CELF2: variants seen among roughly 807,000 people sequenced by gnomAD.
CELF2 encodes the protein CUGBP Elav-like family member 2.
Under a neutral mutation model 62.6 loss-of-function variants are expected in CELF2, and 8 were observed. The observed-to-expected ratio is 0.13, with a 90% CI of 0.07 to 0.23. CELF2 has a LOEUF of 0.23. CELF2 is among the 10% of genes least tolerant of loss of function. The pLI, the probability that CELF2 is intolerant of heterozygous loss-of-function variation, is 1.00. For missense variants in CELF2, 333 were observed against 671.0 expected, an observed-to-expected ratio of 0.50 and a Z score of 5.56; for synonymous variants, 258 against 250.0, an observed-to-expected ratio of 1.03 and a Z score of -0.30.
chr10:11,184,518 T>A (rs2074315226), intron 2 of CELF2, among the ~76,000 whole-genome samples: 1 of 152,236 alleles, frequency 6.6e-6, no homozygotes, highest in South Asian at 2.1e-4. Flanking sequence ...ATATTGAGTC[T>A]TCAAAACCAT....
the CELF2 span, among the ~76,000 whole-genome samples, chr10:10,593,038 G>C: frequency 6.6e-6 from 1 of 152,168 alleles, no homozygotes; most frequent in Non-Finnish European, 1.5e-5. Flanking sequence ...CTGAGAGAAA[G>C]GGCATTCCCA....
In CELF2 at chr10:11,332,039, G is replaced by GA. The variant is rs550674545; in HGVS notation, c.*2992dup. On this transcript the variant is annotated 3_prime_UTR_variant, in exon 13 of 13. Coordinates refer to ENST00000633077, the MANE Select transcript of CELF2 (RefSeq NM_001326342.2). ...CAATTCCACGAGGCCAATCTAAAGG[G>GA]AAAAAATCCTACACTACTTTTACTA... 1.1e-4 allele frequency: 16 copies of GA among 152,202 alleles called. No homozygotes were observed. Among genetic ancestry groups the GA allele is most frequent in the South Asian group, 1.0e-3 (5 of 4,822 alleles). The allele number at this position is 152,202 out of a possible 1,614,324, so 9.4% of individuals were successfully genotyped here.
intron 1 of CELF2, among the ~76,000 whole-genome samples, chr10:10,899,094 A>G (rs916443382): frequency 5.3e-5 from 8 of 152,318 alleles, no homozygotes; most frequent in Middle Eastern, 3.4e-3. Flanking sequence ...ATTGTGGGGG[A>G]TCTTTTAGCT....
At chr10:11,264,377 C>G (rs1388534392) in intron 5 of CELF2, among the ~76,000 whole-genome samples, 2 of 152,068 alleles carry the variant, frequency 1.3e-5, no homozygotes, top group Non-Finnish European at 2.9e-5. Context: ...GCATTTTTAC[C>G]CTCCATTTGG....
At chr10:11,143,441 C>A (rs568436879) in intron 1 of CELF2, among the ~76,000 whole-genome samples, 58 of 152,242 alleles carry the variant, frequency 3.8e-4, no homozygotes, top group Non-Finnish European at 7.2e-4. Flanking sequence ...TGCTTCCTCT[C>A]ACTTCAAGTT....
intron 1 of CELF2, among the ~76,000 whole-genome samples, chr10:11,065,137 C>T (rs903772404): frequency 2.0e-5 from 3 of 152,196 alleles, no homozygotes; most frequent in African/African-American, 4.8e-5. Context: ...TTAAGGAGCT[C>T]ACCTTCTGTT....
intron 9 of CELF2, among the ~76,000 whole-genome samples, chr10:11,293,796 TG>T (rs2092824797): frequency 1.3e-5 from 2 of 151,548 alleles, no homozygotes; most frequent in East Asian, 1.9e-4. Flanking sequence ...AAGTGTTGTT[TG>T]TTTTTTTTTA....
rs2057541939 is a variant in CELF2 at position 11,017,993 on chromosome 10, C to T, written c.-97C>T. ...CCGGCTCGGCGGCCGCCGGGGGAGG[C>T]CGCGCGCACCTGTCCCTGCCCGTCT... On this transcript the variant is annotated 5_prime_UTR_variant, in exon 1 of 13. Coordinates refer to ENST00000633077, the MANE Select transcript of CELF2 (RefSeq NM_001326342.2). This position sits in a 1 kb window ranked among gnomAD's most constrained non-coding sequence, Gnocchi z 5.5. 1 of 997,686 alleles carries T rather than the reference C, an allele frequency of 1.0e-6. No individual in the cohort carries two copies. The highest frequency in any genetic ancestry group is 1.2e-6 in the Non-Finnish European group (1 of 838,918). 61.8% of individuals were successfully genotyped at this position (997,686 alleles called of 1,614,324 possible).
chr10:10,970,226 G>A (rs1007926209), intron 2 of CELF2, among the ~76,000 whole-genome samples: 9 of 152,066 alleles, frequency 5.9e-5, no homozygotes, highest in African/African-American at 2.2e-4. Context: ...GCACCACCAT[G>A]CCTGGCTAGT....
the CELF2 span, among the ~76,000 whole-genome samples, chr10:10,462,996 T>G: frequency 6.6e-6 from 1 of 152,154 alleles, no homozygotes; most frequent in Non-Finnish European, 1.5e-5. Flanking sequence ...ATAACGAGTC[T>G]GCTGTTTACT....
intron 1 of CELF2, among the ~76,000 whole-genome samples, chr10:11,033,538 T>C (rs540538064): frequency 6.6e-6 from 1 of 152,362 alleles, no homozygotes; most frequent in Non-Finnish European, 1.5e-5. Flanking sequence ...ATTACAGGCG[T>C]AAGCCACCAT....
chr10:10,664,257 A>G, the CELF2 span, among the ~76,000 whole-genome samples: 1 of 152,242 alleles, frequency 6.6e-6, no homozygotes, highest in African/African-American at 2.4e-5. Context: ...ATGATGCAAG[A>G]AGAGAAATCA....
chr10:10,487,599 T>C, the CELF2 span, among the ~76,000 whole-genome samples: 1 of 152,190 alleles, frequency 6.6e-6, no homozygotes, highest in Non-Finnish European at 1.5e-5. Context: ...AAAAATGCTT[T>C]GACTCTTTCT....
At chr10:11,095,768 T>A (rs1335715355) in intron 1 of CELF2, among the ~76,000 whole-genome samples, 1 of 152,190 alleles carries the variant, frequency 6.6e-6, no homozygotes, top group Non-Finnish European at 1.5e-5. Context: ...TTCATCATCA[T>A]GACAGGAGAC....
At chr10:10,639,457 A>G in the CELF2 span, among the ~76,000 whole-genome samples, 20 of 152,214 alleles carry the variant, frequency 1.3e-4, no homozygotes, top group Admixed American at 3.9e-4. Flanking sequence ...AGTAAATTTT[A>G]TAAACGTTGG....
upstream of CELF2, among the ~76,000 whole-genome samples, chr10:11,015,373 A>T (rs552673330): frequency 3.2e-3 from 491 of 152,284 alleles, 1 homozygote; most frequent in African/African-American, 0.011. The surrounding 1 kb of genome is among the most constrained non-coding windows in gnomAD (Gnocchi z 4.8). Flanking sequence ...CGATATTAGA[A>T]ATGAAAGCTA....
the CELF2 span, among the ~76,000 whole-genome samples, chr10:10,585,328 G>T: frequency 1.3e-5 from 2 of 152,114 alleles, no homozygotes; most frequent in South Asian, 4.1e-4. Context: ...TCCAGGACTG[G>T]CCCACAGCCA....
chr10:11,109,163 T>C (rs138020560), intron 1 of CELF2, among the ~76,000 whole-genome samples: 4 of 152,382 alleles, frequency 2.6e-5, no homozygotes, highest in African/African-American at 4.8e-5. Flanking sequence ...TTTGTGTTTC[T>C]GTTGCTCCTG....
At chr10:10,601,704 G>A in the CELF2 span, among the ~76,000 whole-genome samples, 1 of 151,352 alleles carries the variant, frequency 6.6e-6, no homozygotes, top group South Asian at 2.1e-4. Context: ...TTGCAGTTTA[G>A]CATGAGCATT....
Sources: gnomAD v4.1 joint callset for allele counts (sites outside exome capture counted in the v4.1 genomes callset) on GRCh38, gnomAD v4.1.1 for gene constraint, Gnocchi (gnomAD v3.1) non-coding constraint, MANE v1.5 for transcripts, NCBI Gene and HGNC (gene_info 2026-07-23, HGNC 2026-07-21) for gene names.